Variants in ZNF385D observed in about 807,000 individuals in gnomAD.
The protein encoded by ZNF385D is zinc finger protein 659.
In ZNF385D, 15 loss-of-function variants were observed where a neutral mutation model predicts 35.8. The observed-to-expected ratio is 0.42, with a 90% CI of 0.28 to 0.64. ZNF385D has a LOEUF of 0.64. Among genes scored for constraint, ZNF385D ranks in the 30% least tolerant of loss-of-function variants. ZNF385D has a pLI of 0.23. For synonymous variants in ZNF385D, 212 were observed against 186.8 expected (o/e 1.13, Z -1.10); for missense variants, 474 against 494.6 (o/e 0.96, Z 0.39).
chr3:21,493,978 T>C (rs1453972636), intron 4 of ZNF385D, among the ~76,000 whole-genome samples: 1 of 152,162 alleles, frequency 6.6e-6, no homozygotes, highest in African/African-American at 2.4e-5. Flanking sequence ...AGGCTTTTTT[T>C]TCCTTTGTCT....
intron 2 of ZNF385D, among the ~76,000 whole-genome samples, chr3:22,264,847 A>C (rs987572147): frequency 7.2e-6 from 1 of 138,234 alleles, no homozygotes; most frequent in African/African-American, 2.6e-5. Flanking sequence ...TAGATATCTA[A>C]AATTCCATTC....
At chr3:22,326,277 T>G (rs1264508690) in intron 2 of ZNF385D, among the ~76,000 whole-genome samples, 1 of 152,182 alleles carries the variant, frequency 6.6e-6, no homozygotes, top group Non-Finnish European at 1.5e-5. Flanking sequence ...ATGCCAAATT[T>G]GGGGAAGATT....
intron 3 of ZNF385D, among the ~76,000 whole-genome samples, chr3:21,914,381 CT>C (rs5847151): frequency 0.019 from 2,597 of 138,674 alleles, 56 homozygotes; most frequent in African/African-American, 0.048. Context: ...TTTTGTTTGA[CT>C]TTTTTTTTTT....
chr3:21,866,137 G>T (rs1575803377), intron 3 of ZNF385D, among the ~76,000 whole-genome samples: 1 of 151,628 alleles, frequency 6.6e-6, no homozygotes, highest in Non-Finnish European at 1.5e-5. Context: ...GTTTTATTTT[G>T]ATTTTATAAA....
chr3:21,990,359 T>A (rs1385145531), intron 3 of ZNF385D, among the ~76,000 whole-genome samples: 3 of 152,196 alleles, frequency 2.0e-5, no homozygotes, highest in Non-Finnish European at 4.4e-5. Flanking sequence ...AAATCCAAAG[T>A]TAGAAATCAC....
At chr3:21,995,575 TG>T (rs1465706483) in intron 3 of ZNF385D, among the ~76,000 whole-genome samples, 2 of 151,940 alleles carry the variant, frequency 1.3e-5, no homozygotes, top group African/African-American at 4.8e-5. Context: ...GTGGCAGTGA[TG>T]AGTGGGCAGG....
chr3:22,364,019 G>C (rs1696536774), intron 2 of ZNF385D, among the ~76,000 whole-genome samples: 1 of 152,050 alleles, frequency 6.6e-6, no homozygotes, highest in South Asian at 2.1e-4. Flanking sequence ...ATCCTTTATG[G>C]GGTTTCTACC....
intron 4 of ZNF385D, among the ~76,000 whole-genome samples, chr3:21,485,609 C>T (rs1334175797): frequency 6.6e-6 from 1 of 151,860 alleles, no homozygotes; most frequent in Admixed American, 6.6e-5. Flanking sequence ...ACCATTTTTC[C>T]CATCTGTGAG....
intron 3 of ZNF385D, among the ~76,000 whole-genome samples, chr3:21,996,037 C>T (rs1403586536): frequency 6.6e-6 from 1 of 152,092 alleles, no homozygotes; most frequent in Non-Finnish European, 1.5e-5. Flanking sequence ...GTCAGCAAAG[C>T]TCAGGGATGT....
chr3:21,991,969 G>A (rs894812938), intron 3 of ZNF385D, among the ~76,000 whole-genome samples: 1 of 152,084 alleles, frequency 6.6e-6, no homozygotes, highest in Admixed American at 6.6e-5. Context: ...TTAAATCTTG[G>A]CTTATCTACT....
At chr3:22,361,977 T>C (rs987150198) in intron 2 of ZNF385D, among the ~76,000 whole-genome samples, 2 of 151,726 alleles carry the variant, frequency 1.3e-5, no homozygotes, top group Admixed American at 6.6e-5. Context: ...TAAATAGACA[T>C]AGAAATGTAA....
intron 4 of ZNF385D, among the ~76,000 whole-genome samples, chr3:21,471,201 C>T (rs1183452638): frequency 6.6e-6 from 1 of 151,794 alleles, no homozygotes; most frequent in Non-Finnish European, 1.5e-5. Context: ...GAACCATATT[C>T]CCTTCCTTCC....
chr3:21,549,648 G>C (rs888235599), intron 3 of ZNF385D, among the ~76,000 whole-genome samples: 1 of 152,186 alleles, frequency 6.6e-6, no homozygotes, highest in Non-Finnish European at 1.5e-5. Context: ...AACTCATCAG[G>C]TTCTCAGATG....
At chr3:22,321,071 C>T (rs9813743) in intron 2 of ZNF385D, among the ~76,000 whole-genome samples, 75,388 of 150,920 alleles carry the variant, frequency 0.5, 19,206 homozygotes, top group Non-Finnish European at 0.54. Context: ...GTTTCAGAAA[C>T]TGTACTGTCA....
chr3:22,344,293 C>T lies in ZNF385D; in HGVS notation c.106+28157G>A, dbSNP rs35862676. Reference sequence around the variant, plus strand: ...GATAAAATTTCATCTCTACTCACTACTGACTGCAGGATTACTAATTCCTCA... The same window carrying T: ...GATAAAATTTCATCTCTACTCACTATTGACTGCAGGATTACTAATTCCTCA... On this transcript the variant is annotated intron_variant, in intron 2 of 5. Coordinates refer to the ZNF385D transcript ENST00000494108. Among the ~76,000 whole-genome samples the T allele has an allele frequency of 7.0e-3, 1,063 of 152,106 alleles. 5 individuals are homozygous for T. Among genetic ancestry groups the T allele is most frequent in the Non-Finnish European group, 0.011 (781 of 68,004 alleles).
chr3:21,425,620 T>G lies in ZNF385D; in HGVS notation c.724A>C (p.Lys242Gln). 6.2e-7 allele frequency: 1 copy of G among 1,604,100 alleles called. No homozygotes were observed. Among genetic ancestry groups the G allele is most frequent in the Non-Finnish European group, 8.5e-7 (1 of 1,174,654 alleles). Residue 242 changes from lysine (K) to glutamine (Q), a missense_variant, in exon 6 of 8, where the codon AAA becomes CAA. Physicochemically the swap from Lys to Gln is moderately conservative, Grantham distance 53. Transcript: ENST00000281523. ...TTCACTCCTGCCCTAGGAAAGGCTT[T>G]GATAGTGCCACTTCCATTCCGGGCT... The part of the protein sequence containing the change: ...LEARNGSGTI[K>Q]AFPRAGVKGK...
intron 1 of ZNF385D, among the ~76,000 whole-genome samples, chr3:21,724,477 C>CAA (rs200803155): frequency 1.9e-5 from 1 of 52,016 alleles, no homozygotes; most frequent in African/African-American, 1.6e-4. Context: ...AATGGAAAGC[C>CAA]AAAAAAAAAA....
intron 2 of ZNF385D, among the ~76,000 whole-genome samples, chr3:22,324,884 C>G (rs1281398308): frequency 6.6e-6 from 1 of 152,144 alleles, no homozygotes; most frequent in African/African-American, 2.4e-5. Context: ...AGAGATCCTA[C>G]TAGAGCAGCC....
intron 3 of ZNF385D, among the ~76,000 whole-genome samples, chr3:21,548,586 T>C (rs923883874): frequency 6.6e-6 from 1 of 152,254 alleles, no homozygotes; most frequent in East Asian, 1.9e-4. Context: ...TTCCCTTCCA[T>C]ACTTACGGTA....
Sources: allele counts gnomAD v4.1 joint callset (sites outside exome capture counted in the v4.1 genomes callset), GRCh38; gene constraint gnomAD v4.1.1; transcripts MANE v1.5; gene names NCBI Gene and HGNC (gene_info 2026-07-23, HGNC 2026-07-21).